CNTNAP2: variants seen among roughly 807,000 people sequenced by gnomAD.
CNTNAP2 encodes the protein contactin-associated protein-like 2.
Under a neutral mutation model 155.2 loss-of-function variants are expected in CNTNAP2, and 98 were observed. The ratio of observed to expected loss-of-function variants is 0.63; its 90% CI spans 0.54 to 0.75. CNTNAP2 has a LOEUF of 0.75. CNTNAP2 is among the 30% of genes least tolerant of loss of function. CNTNAP2 has a pLI of 0.00. For synonymous variants in CNTNAP2, 651 were observed against 631.2 expected (o/e 1.03, Z -0.47); for missense variants, 1,727 against 1,688.1 (o/e 1.02, Z -0.40).
intron 17 of CNTNAP2, among the ~76,000 whole-genome samples, chr7:148,156,074 G>C (rs1407400902): frequency 6.6e-6 from 1 of 152,170 alleles, no homozygotes; most frequent in African/African-American, 2.4e-5. Flanking sequence ...AGCCCTGGCT[G>C]GTATTATGCA....
intron 1 of CNTNAP2, among the ~76,000 whole-genome samples, chr7:146,219,355 C>A (rs114113478): frequency 6.6e-6 from 1 of 152,054 alleles, no homozygotes; most frequent in Admixed American, 6.6e-5. Context: ...TTTAAAGTTA[C>A]GATTAATAAC....
At chr7:146,419,842 C>G (rs1407325187) in intron 1 of CNTNAP2, among the ~76,000 whole-genome samples, 1 of 152,056 alleles carries the variant, frequency 6.6e-6, no homozygotes. Context: ...TGACTGAAGT[C>G]TACATATTTT....
At chr7:147,188,044 A>G (rs1021866660) in intron 8 of CNTNAP2, among the ~76,000 whole-genome samples, 2 of 152,196 alleles carry the variant, frequency 1.3e-5, no homozygotes, top group African/African-American at 4.8e-5. Flanking sequence ...CAGGGTGACC[A>G]AGTGAGACTT....
chr7:148,185,373 C>T (rs1004901845), intron 18 of CNTNAP2, among the ~76,000 whole-genome samples: 1 of 152,192 alleles, frequency 6.6e-6, no homozygotes, highest in African/African-American at 2.4e-5. Context: ...CTAAAACATC[C>T]TCTTGAGGTT....
chr7:147,270,050 A>C (rs1009539223), intron 8 of CNTNAP2, among the ~76,000 whole-genome samples: 3 of 152,098 alleles, frequency 2.0e-5, no homozygotes, highest in African/African-American at 7.2e-5. Context: ...CAACAGAGTG[A>C]TACCTTATCA....
intron 5 of CNTNAP2, among the ~76,000 whole-genome samples, chr7:147,116,345 A>G (rs1430072791): frequency 6.6e-6 from 1 of 152,202 alleles, no homozygotes; most frequent in Non-Finnish European, 1.5e-5. Flanking sequence ...GCTTTTTGAT[A>G]GAGCCACTGT....
chr7:146,861,836 T>G (rs1419057000), intron 3 of CNTNAP2, among the ~76,000 whole-genome samples: 1 of 152,156 alleles, frequency 6.6e-6, no homozygotes, highest in Non-Finnish European at 1.5e-5. Context: ...TTATAAATAT[T>G]TAAAAGATAT....
intron 3 of CNTNAP2, among the ~76,000 whole-genome samples, chr7:146,864,332 G>A (rs1795161192): frequency 6.6e-6 from 1 of 152,030 alleles, no homozygotes; most frequent in Non-Finnish European, 1.5e-5. Flanking sequence ...AAATCATCAT[G>A]ATTATGGCAA....
intron 16 of CNTNAP2, among the ~76,000 whole-genome samples, chr7:148,136,123 AAGGG>A (rs1322728910): frequency 4.5e-4 from 50 of 110,592 alleles, no homozygotes; most frequent in Admixed American, 8.2e-4. Context: ...GAAGGGAGGG[AAGGG>A]AGGGAGGGAG....
chr7:147,245,748 T>A (rs1804046526), intron 8 of CNTNAP2, among the ~76,000 whole-genome samples: 5 of 79,448 alleles, frequency 6.3e-5, no homozygotes, highest in East Asian at 3.8e-4. Flanking sequence ...GGCAAAAGAG[T>A]AAGACTCTGT....
intron 1 of CNTNAP2, among the ~76,000 whole-genome samples, chr7:146,588,679 T>A (rs1355714323): frequency 1.3e-5 from 2 of 152,092 alleles, no homozygotes; most frequent in African/African-American, 2.4e-5. Flanking sequence ...GGCTATTTTT[T>A]AAAAATGTTG....
At chr7:146,985,705 AT>A (rs1563032673) in intron 3 of CNTNAP2, among the ~76,000 whole-genome samples, 4 of 152,158 alleles carry the variant, frequency 2.6e-5, no homozygotes, top group African/African-American at 9.7e-5. Context: ...AACACAGTCG[AT>A]AAGTTTTTCA....
intron 12 of CNTNAP2, among the ~76,000 whole-genome samples, chr7:147,599,898 C>T (rs1466193634): frequency 6.6e-6 from 1 of 152,190 alleles, no homozygotes; most frequent in Non-Finnish European, 1.5e-5. Flanking sequence ...GGGGATGATA[C>T]TATTCAATGC....
At chr7:147,522,351 A>T (rs540278996) in intron 11 of CNTNAP2, among the ~76,000 whole-genome samples, 56 of 152,354 alleles carry the variant, frequency 3.7e-4, no homozygotes, top group Admixed American at 1.8e-3. Flanking sequence ...AATAACTATT[A>T]TCCAAACCTT....
chr7:146,627,990 G>A (rs1417347430), intron 1 of CNTNAP2, among the ~76,000 whole-genome samples: 1 of 152,096 alleles, frequency 6.6e-6, no homozygotes. Flanking sequence ...CAATGAGTGT[G>A]TGGTCACGTA....
chr7:146,776,048 C>T (rs1802384747), intron 2 of CNTNAP2, among the ~76,000 whole-genome samples: 1 of 152,056 alleles, frequency 6.6e-6, no homozygotes, highest in South Asian at 2.1e-4. Context: ...ATATTTCTCT[C>T]TCATAAAAGT....
chr7:147,663,011 G>T (rs1795638501), intron 13 of CNTNAP2, among the ~76,000 whole-genome samples: 1 of 151,980 alleles, frequency 6.6e-6, no homozygotes, highest in African/African-American at 2.4e-5. Flanking sequence ...TTGTTTGTTT[G>T]TTTTTGAGAC....
chr7:148,286,710 C>T (rs999612597), intron 21 of CNTNAP2, among the ~76,000 whole-genome samples: 1 of 152,138 alleles, frequency 6.6e-6, no homozygotes, highest in Non-Finnish European at 1.5e-5. Context: ...AACAAAGTGA[C>T]TTAGCCTTGC....
chr7:147,983,656 A>G (rs943169551), intron 15 of CNTNAP2, among the ~76,000 whole-genome samples: 3 of 152,192 alleles, frequency 2.0e-5, no homozygotes, highest in Non-Finnish European at 4.4e-5. Context: ...TCTAGAAGCA[A>G]TGTGAGAGTG....
Sources: gnomAD v4.1 joint callset for allele counts (sites outside exome capture counted in the v4.1 genomes callset) on GRCh38, gnomAD v4.1.1 for gene constraint, MANE v1.5 for transcripts, NCBI Gene and HGNC (gene_info 2026-07-23, HGNC 2026-07-21) for gene names.